UNC13C: variants seen among roughly 807,000 people sequenced by gnomAD.
The protein encoded by UNC13C is protein unc-13 homolog C.
Under a neutral mutation model 245.4 loss-of-function variants are expected in UNC13C, and 174 were observed. The observed-to-expected ratio is 0.71, with a 90% confidence interval of 0.63 to 0.80. UNC13C has a LOEUF of 0.80. Ranked by LOEUF, UNC13C falls within the 30% of genes least tolerant of loss-of-function variation. The pLI is 0.00. For synonymous variants in UNC13C, 992 were observed against 895.1 expected (o/e 1.11, Z -1.93); for missense variants, 2,829 against 2,602.9 (o/e 1.09, Z -1.89).
intron 17 of UNC13C, among the ~76,000 whole-genome samples, chr15:54,365,318 G>A (rs768409407): frequency 1.3e-5 from 2 of 152,024 alleles, no homozygotes; most frequent in African/African-American, 4.8e-5. Context: ...AGCACCTTGG[G>A]GAAAGGTGTT....
chr15:54,568,324 A>G (rs1195094756), intron 30 of UNC13C, among the ~76,000 whole-genome samples: 2 of 152,114 alleles, frequency 1.3e-5, no homozygotes, highest in Admixed American at 1.3e-4. Flanking sequence ...AAAAAATGAT[A>G]ATAATTCCCT....
At chr15:54,092,192 G>A (rs1595842664) in intron 2 of UNC13C, among the ~76,000 whole-genome samples, 2 of 152,166 alleles carry the variant, frequency 1.3e-5, no homozygotes, top group African/African-American at 4.8e-5. Context: ...GCTGCACAGT[G>A]TAGAATTATA....
intron 1 of UNC13C, among the ~76,000 whole-genome samples, chr15:54,010,411 T>C (rs1895329861): frequency 6.6e-6 from 1 of 152,074 alleles, no homozygotes; most frequent in East Asian, 1.9e-4. Flanking sequence ...AATGAGCTGA[T>C]GTTGATCCTT....
intron 2 of UNC13C, among the ~76,000 whole-genome samples, chr15:54,102,999 A>G (rs190166624): frequency 2.6e-5 from 4 of 152,304 alleles, no homozygotes; most frequent in East Asian, 1.9e-4. Context: ...TCTAGTCATG[A>G]CAGTCATTTT....
At chr15:54,241,990 A>G (rs1028475463) in intron 7 of UNC13C, among the ~76,000 whole-genome samples, 1 of 152,170 alleles carries the variant, frequency 6.6e-6, no homozygotes, top group Non-Finnish European at 1.5e-5. Flanking sequence ...CCAGTTCTAC[A>G]ATTTACCTTC....
chr15:54,106,275 A>C (rs1390496321), intron 2 of UNC13C, among the ~76,000 whole-genome samples: 1 of 152,222 alleles, frequency 6.6e-6, no homozygotes, highest in African/African-American at 2.4e-5. Context: ...TGAAGCCTAC[A>C]GTTTGGGATT....
chr15:53,879,881 A>C, the UNC13C span, among the ~76,000 whole-genome samples: 1 of 152,190 alleles, frequency 6.6e-6, no homozygotes, highest in East Asian at 1.9e-4. Context: ...TTATTATTAG[A>C]TACAAGCCAT....
chr15:53,918,586 G>T, the UNC13C span, among the ~76,000 whole-genome samples: 4 of 152,216 alleles, frequency 2.6e-5, no homozygotes, highest in Non-Finnish European at 5.9e-5. Flanking sequence ...CCAAGGCAGT[G>T]CTGAGCACAG....
At chr15:54,198,933 C>T (rs948311286) in intron 4 of UNC13C, among the ~76,000 whole-genome samples, 1 of 151,734 alleles carries the variant, frequency 6.6e-6, no homozygotes, top group African/African-American at 2.4e-5. Flanking sequence ...TAACTTAAAT[C>T]AAAAATGTGA....
chr15:54,151,828 G>C (rs542915592), intron 4 of UNC13C, among the ~76,000 whole-genome samples: 1 of 148,552 alleles, frequency 6.7e-6, no homozygotes, highest in African/African-American at 2.5e-5. Flanking sequence ...GCGCTGGAGC[G>C]TTCCATAATG....
chr15:54,484,338 A>G (rs761117784), intron 19 of UNC13C, among the ~76,000 whole-genome samples: 1 of 152,194 alleles, frequency 6.6e-6, no homozygotes, highest in East Asian at 1.9e-4. Context: ...TTTAGCGAGC[A>G]TGGAAGTATT....
chr15:54,607,094 T>A (rs941908702), intron 30 of UNC13C, among the ~76,000 whole-genome samples: 3 of 152,228 alleles, frequency 2.0e-5, no homozygotes, highest in Admixed American at 6.5e-5. Context: ...TAAAACTTTT[T>A]AAAAAATTAT....
intron 10 of UNC13C, among the ~76,000 whole-genome samples, chr15:54,270,519 C>T (rs1470954447): frequency 6.6e-6 from 1 of 151,976 alleles, no homozygotes; most frequent in Non-Finnish European, 1.5e-5. Context: ...AAAATGATAG[C>T]TGTATTATTA....
intron 4 of UNC13C, among the ~76,000 whole-genome samples, chr15:54,184,090 T>G (rs1310266481): frequency 2.0e-5 from 3 of 152,120 alleles, no homozygotes; most frequent in Non-Finnish European, 2.9e-5. Context: ...TCCCTTCACA[T>G]GAATTGTTAC....
At chr15:53,979,866 C>T (rs12439761) in intron 1 of UNC13C, among the ~76,000 whole-genome samples, 1 of 152,106 alleles carries the variant, frequency 6.6e-6, no homozygotes, top group South Asian at 2.1e-4. Context: ...ATCTTACCAC[C>T]TTTTGCTCAT....
chr15:54,407,985 A>C (rs2040332758), intron 18 of UNC13C, among the ~76,000 whole-genome samples: 2 of 151,920 alleles, frequency 1.3e-5, no homozygotes, highest in Non-Finnish European at 2.9e-5. Context: ...GCAGATCATG[A>C]GGTCAGGAGA....
chr15:54,031,391 T>TGG, intron 2 of UNC13C, among the ~76,000 whole-genome samples: 1 of 152,154 alleles, frequency 6.6e-6, no homozygotes, highest in Non-Finnish European at 1.5e-5. Context: ...GCCTGGCTAA[T>TGG]TTTTTGTATT....
At chr15:54,053,678 A>G (rs1385020727) in intron 2 of UNC13C, among the ~76,000 whole-genome samples, 7 of 152,116 alleles carry the variant, frequency 4.6e-5, no homozygotes, top group Admixed American at 4.6e-4. Context: ...TAAATGTACA[A>G]TAAGTTAGTG....
chr15:54,440,237 A>G (rs1384165335), intron 19 of UNC13C, among the ~76,000 whole-genome samples: 1 of 151,964 alleles, frequency 6.6e-6, no homozygotes, highest in Non-Finnish European at 1.5e-5. Flanking sequence ...CATGATTGTA[A>G]GTTTCCTGAG....
Sources: gnomAD v4.1 joint callset for allele counts (sites outside exome capture counted in the v4.1 genomes callset) on GRCh38, gnomAD v4.1.1 for gene constraint, MANE v1.5 for transcripts, NCBI Gene and HGNC (gene_info 2026-07-23, HGNC 2026-07-21) for gene names.